The following RFPL3 variants were observed in gnomAD, a reference collection of about 807,000 sequenced individuals.
The protein encoded by RFPL3 is ret finger protein like 3.
In RFPL3, 8 loss-of-function variants were observed where a neutral mutation model predicts 8.7. The ratio of observed to expected loss-of-function variants is 0.92; its 90% CI spans 0.54 to 1.66. RFPL3 has a LOEUF of 1.66. RFPL3 is among the 40% of genes most tolerant of loss of function. The pLI is 0.00. For missense variants in RFPL3, 341 were observed against 395.0 expected (o/e 0.86, Z 1.16); for synonymous variants, 145 against 150.5 (o/e 0.96, Z 0.27).
chr22:32,355,800 A>AG (rs1491198859), upstream of RFPL3, among the ~76,000 whole-genome samples: 7,440 of 146,754 alleles, frequency 0.051, 209 homozygotes, highest in South Asian at 0.077. Flanking sequence ...AAAAAAAAAA[A>AG]GAAAGAAAAG....
chr22:32,360,859 C>A lies in RFPL3; in HGVS notation c.*27C>A, dbSNP rs753243054. The A allele has an allele frequency of 1.0e-5, 15 of 1,505,436 alleles. No homozygotes were observed. In the South Asian group the frequency reaches 1.8e-4, roughly 18 times the overall value. The allele number at this position is 1,505,436 out of a possible 1,614,324, so 93.3% of individuals were successfully genotyped here. Reference sequence around the variant, plus strand: ...CCGCCACTGCAAAAAAAAACAGGGTCAGAAAATTACTTGGGTGGGTAGACT... The same window carrying A: ...CCGCCACTGCAAAAAAAAACAGGGTAAGAAAATTACTTGGGTGGGTAGACT... On this transcript the variant is annotated 3_prime_UTR_variant, in exon 2 of 2. Coordinates refer to ENST00000249007, the MANE Select transcript of RFPL3 (RefSeq NM_001098535.1).
rs137999621 is a variant in RFPL3 at position 32,358,287 on chromosome 22, T to G, written c.216T>G (p.His72Gln). 101 of 1,613,932 alleles carry G rather than the reference T, an allele frequency of 6.3e-5. No homozygotes were observed. The African/African-American group carries it at 8.7e-4, about 14-fold the overall frequency. Reference protein sequence around the residue: ...KCINSLQKEPHGEDLLCCCCS... With the variant: ...KCINSLQKEPQGEDLLCCCCS... ...TCAATTCGCTGCAGAAGGAGCCCCATGGGGAGGATCTGCTTTGCTGTTGCT... is the reference window on the plus strand; with the variant it reads ...TCAATTCGCTGCAGAAGGAGCCCCAGGGGGAGGATCTGCTTTGCTGTTGCT... The change falls in exon 1 of 2, where the codon CAT (histidine) becomes CAG (glutamine). Residue 72 changes from histidine (H) to glutamine (Q), a missense_variant. Transcript: ENST00000249007.
At chr22:32,359,934 A>G (rs1932760710) in intron 1 of RFPL3, 2 of 356,932 alleles carry the variant, frequency 5.6e-6, no homozygotes, top group Non-Finnish European at 1.0e-5. Flanking sequence ...ATTTGTTCAC[A>G]CATCAAGGTG....
In RFPL3 at chr22:32,360,420, A is replaced by G. The variant is rs5749408; in HGVS notation, c.542A>G (p.Tyr181Cys). ...CCTCGCTTTACCTGTGGCCGCCACT[A>G]CTGGGAGGTGGACGTGGGAACAAGC... ...GSPRFTCGRH[Y>C]WEVDVGTSTE... Residue 181 changes from tyrosine (Y) to cysteine (C), a missense_variant, in exon 2 of 2, where the codon TAC becomes TGC. Physicochemically the swap from Tyr to Cys is radical, Grantham distance 194. Coordinates refer to ENST00000249007, the MANE Select transcript of RFPL3 (RefSeq NM_001098535.1). The G allele has an allele frequency of 0.076, 122,300 of 1,613,362 alleles. 9,054 individuals are homozygous for G. The highest frequency in any genetic ancestry group is 0.47 in the East Asian group (21,256 of 44,812).
upstream of RFPL3, among the ~76,000 whole-genome samples, chr22:32,357,411 C>T (rs1362736857): frequency 1.3e-5 from 2 of 151,798 alleles, no homozygotes; most frequent in Admixed American, 1.3e-4. Context: ...CTCAAGGGAT[C>T]TTCCTGCCTT....
chr22:32,357,698 C>T (rs1932714624), upstream of RFPL3, among the ~76,000 whole-genome samples: 1 of 152,196 alleles, frequency 6.6e-6, no homozygotes, highest in Non-Finnish European at 1.5e-5. Context: ...TTTTGATGAC[C>T]TCAGATGATC....
At chr22:32,356,788 T>C, upstream of RFPL3, 1 of 392,124 alleles carries the variant, frequency 2.6e-6, no homozygotes, top group Non-Finnish European at 5.1e-6. Flanking sequence ...AGGTCGCTTC[T>C]GGCTGTGTGC....
rs760979168 is a variant in RFPL3, at chr22:32,360,495, A to G, written c.617A>G (p.Lys206Arg). The G allele has an allele frequency of 5.3e-5, 85 of 1,613,836 alleles. No homozygotes were observed. The highest frequency in any genetic ancestry group is 6.6e-5 in the Non-Finnish European group (78 of 1,179,856). Residue 206 changes from lysine to arginine, a missense_variant, in exon 2 of 2, where the codon AAG (lysine) becomes AGG (arginine). By Grantham distance (26) the Lys-to-Arg change is conservative. Coordinates refer to ENST00000249007, the MANE Select transcript of RFPL3 (RefSeq NM_001098535.1). Reference sequence around the variant, plus strand: ...AGAGAATCTGTTCACTGCAAAGGGAAGATCCAGCTGACCACAGAGCTTGGA... The same window carrying G: ...AGAGAATCTGTTCACTGCAAAGGGAGGATCCAGCTGACCACAGAGCTTGGA... ...VCRESVHCKG[K>R]IQLTTELGFW...
intron 1 of RFPL3, chr22:32,359,936 A>G: frequency 5.2e-6 from 2 of 387,128 alleles, no homozygotes; most frequent in Non-Finnish European, 9.2e-6. Flanking sequence ...TTGTTCACAC[A>G]TCAAGGTGGT....
At chr22:32,356,820 T>G, upstream of RFPL3, 1 of 416,354 alleles carries the variant, frequency 2.4e-6, no homozygotes, top group Non-Finnish European at 4.8e-6. Flanking sequence ...TTTGGAGGTC[T>G]TGGTGACTTC....
upstream of RFPL3, among the ~76,000 whole-genome samples, chr22:32,357,230 G>T (rs2413110): frequency 6.6e-6 from 1 of 151,978 alleles, no homozygotes; most frequent in African/African-American, 2.4e-5. Flanking sequence ...CATTTCCAAG[G>T]CTGGAGAAGG....
chr22:32,360,469 C>A lies in RFPL3; in HGVS notation c.591C>A (p.Cys197Ter), dbSNP rs1266544596. Residue 197 changes from cysteine (C) to a stop codon, truncating the protein, a stop_gained, in exon 2 of 2, where the codon TGC becomes TGA. Coordinates refer to ENST00000249007, the MANE Select transcript of RFPL3 (RefSeq NM_001098535.1). LOFTEE classifies it low-confidence loss of function (END_TRUNC). Reference protein sequence around the residue: ...GTSTEWDLGVCRESVHCKGKI... With the variant: ...GTSTEWDLGV ...GCACAGAATGGGACCTGGGAGTCTG[C>A]AGAGAATCTGTTCACTGCAAAGGGA... 6.2e-7 allele frequency: 1 copy of A among 1,613,940 alleles called. No individual in the cohort carries two copies. Among genetic ancestry groups the A allele is most frequent in the African/African-American group, 1.3e-5 (1 of 75,016 alleles).
In RFPL3 at chr22:32,360,833, G is replaced by A. The variant is rs1932778987; in HGVS notation, c.*1G>A. The A allele has an allele frequency of 1.3e-6, 2 of 1,506,864 alleles. No homozygotes were observed. The highest frequency in any genetic ancestry group is 1.8e-6 in the Non-Finnish European group (2 of 1,129,000). The allele number at this position is 1,506,864 out of a possible 1,614,324, so 93.3% of individuals were successfully genotyped here. ...AGTCCGTCCTGGGGAGGCCAAATAA[G>A]CCGCCACTGCAAAAAAAAACAGGGT... On this transcript the variant is annotated 3_prime_UTR_variant, in exon 2 of 2. Coordinates refer to ENST00000249007, the MANE Select transcript of RFPL3 (RefSeq NM_001098535.1).
chr22:32,358,310 G>T lies in RFPL3; in HGVS notation c.239G>T (p.Cys80Phe). 1.9e-6 allele frequency: 3 copies of T among 1,614,048 alleles called. No homozygotes were observed. The highest frequency in any genetic ancestry group is 2.5e-6 in the Non-Finnish European group (3 of 1,179,948). ...EPHGEDLLCC[C>F]CSMVSQRNKI... Reference sequence around the variant, plus strand: ...CATGGGGAGGATCTGCTTTGCTGTTGCTGTTCCATGGTCTCTCAGAGGAAC... The same window carrying T: ...CATGGGGAGGATCTGCTTTGCTGTTTCTGTTCCATGGTCTCTCAGAGGAAC... Residue 80 changes from cysteine to phenylalanine, a missense_variant, in exon 1 of 2, where the codon TGC (cysteine) becomes TTC (phenylalanine). Cys to Phe is a radical substitution (Grantham distance 205). Coordinates refer to ENST00000249007, the MANE Select transcript of RFPL3 (RefSeq NM_001098535.1).
Position 32,357,996 on chromosome 22 carries a change from G to A in RFPL3, c.-76G>A. On this transcript the variant is annotated 5_prime_UTR_variant, in exon 1 of 2. Coordinates refer to ENST00000249007, the MANE Select transcript of RFPL3 (RefSeq NM_001098535.1). ...CTTCAAATCTCTGAGGACGGGGGGT[G>A]GGGGGATGTGCTTGAGTGTTTGTAC... The A allele has an allele frequency of 2.6e-6, 4 of 1,563,788 alleles. No individual in the cohort carries two copies. Among genetic ancestry groups the A allele is most frequent in the Non-Finnish European group, 3.5e-6 (4 of 1,155,124 alleles).
upstream of RFPL3, among the ~76,000 whole-genome samples, chr22:32,357,478 T>A (rs560142043): frequency 2.6e-5 from 4 of 151,882 alleles, no homozygotes; most frequent in South Asian, 8.3e-4. Context: ...CCCCCTTTTT[T>A]TTTTTTGAGA....
At chr22:32,355,950 TC>T (rs138337532), upstream of RFPL3, among the ~76,000 whole-genome samples, 2,634 of 152,254 alleles carry the variant, frequency 0.017, 33 homozygotes, top group Non-Finnish European at 0.025. Context: ...TTCACAAGCA[TC>T]CTGAGCCACC....
At chr22:32,360,173 A>G in intron 1 of RFPL3, 79 bp from the exon 2 acceptor site, 1 of 1,494,072 alleles carries the variant, frequency 6.7e-7, no homozygotes, top group Non-Finnish European at 9.0e-7. Flanking sequence ...GTCAGGAGAT[A>G]TTTGGGCCTT....
upstream of RFPL3, among the ~76,000 whole-genome samples, chr22:32,355,565 C>T (rs1248126334): frequency 6.6e-6 from 1 of 152,124 alleles, no homozygotes; most frequent in Non-Finnish European, 1.5e-5. Flanking sequence ...TTTCCTAGAG[C>T]TGCCAGGCAG....
Sources: gnomAD v4.1 joint callset for allele counts (sites outside exome capture counted in the v4.1 genomes callset) on GRCh38, gnomAD v4.1.1 for gene constraint, MANE v1.5 for transcripts, NCBI Gene and HGNC (gene_info 2026-07-23, HGNC 2026-07-21) for gene names.